Variants in WDR72 observed in about 807,000 individuals in gnomAD.
WDR72 encodes the protein WD repeat domain 72, also known as WD repeat-containing protein 72.
Under a neutral mutation model 124.2 loss-of-function variants are expected in WDR72, and 120 were observed. The ratio of observed to expected loss-of-function variants is 0.97; its 90% CI spans 0.83 to 1.12. The LOEUF is 1.12. Ranked by LOEUF, WDR72 falls within the 50% of genes most tolerant of loss-of-function variation. The pLI is 0.00. For missense variants in WDR72, 1,387 were observed against 1,278.8 expected, an observed-to-expected ratio of 1.08 and a Z score of -1.29; for synonymous variants, 452 against 441.7, an observed-to-expected ratio of 1.02 and a Z score of -0.29.
Position 53,665,738 on chromosome 15 carries a change from C to G in WDR72, c.1796G>C (p.Arg599Thr). The change falls in exon 14 of 20, where the codon AGA (arginine) becomes ACA (threonine). Residue 599 changes from arginine to threonine, a missense_variant. Coordinates refer to ENST00000360509, the MANE Select transcript of WDR72 (RefSeq NM_182758.4). ...GTLERHETGE[R>T]ARIILNCCDD... ...ACAACAATTAAGAATAATTCGTGCT[C>G]TTTCTCCTGTCTCATGTCTTTCCAA... 1 of 1,613,810 alleles carries G rather than the reference C, an allele frequency of 6.2e-7. No individual in the cohort carries two copies.
intron 18 of WDR72, among the ~76,000 whole-genome samples, chr15:53,547,995 T>TGTTGCTGATCTCAAG (rs1893559727): frequency 6.6e-6 from 1 of 152,210 alleles, no homozygotes; most frequent in Non-Finnish European, 1.5e-5. Flanking sequence ...TGATGACGTC[T>TGTTGCTGATCTCAAG]TTGTAATTGA....
intron 19 of WDR72, 88 bp downstream of exon 19, chr15:53,523,130 A>T: frequency 8.2e-7 from 1 of 1,213,034 alleles, no homozygotes; most frequent in Non-Finnish European, 1.2e-6. Context: ...CAGCATTACA[A>T]TGTCCTCTCC....
At chr15:53,595,074 T>C (rs1239943514) in intron 18 of WDR72, among the ~76,000 whole-genome samples, 1 of 152,144 alleles carries the variant, frequency 6.6e-6, no homozygotes, top group South Asian at 2.1e-4. Flanking sequence ...GAATATGTTC[T>C]TGTTCTTTTA....
chr15:53,578,461 T>C (rs992801889), intron 18 of WDR72, among the ~76,000 whole-genome samples: 3 of 152,164 alleles, frequency 2.0e-5, no homozygotes, highest in Non-Finnish European at 2.9e-5. Flanking sequence ...GCTTGGCTCA[T>C]GGAAGGTACT....
intron 12 of WDR72, among the ~76,000 whole-genome samples, chr15:53,700,238 G>A (rs1441591182): frequency 6.6e-6 from 1 of 152,126 alleles, no homozygotes; most frequent in Non-Finnish European, 1.5e-5. Flanking sequence ...CAGGCAGCGA[G>A]GCAGACATCG....
rs370145481 is a variant in WDR72, at chr15:53,711,456, A to G, written c.737T>C (p.Leu246Pro). 1.2e-6 allele frequency: 2 copies of G among 1,614,186 alleles called. No homozygotes were observed. The highest frequency in any genetic ancestry group is 1.7e-6 in the Non-Finnish European group (2 of 1,180,038). Residue 246 changes from leucine to proline, a missense_variant, in exon 8 of 20, where the codon CTT becomes CCT. Physicochemically the swap from Leu to Pro is moderately conservative, Grantham distance 98 (BLOSUM62 -3). Coordinates refer to ENST00000360509, the MANE Select transcript of WDR72 (RefSeq NM_182758.4). ...WKVYDYCDFSLLLTEVSRNGQ... is the reference protein window; with the variant it reads ...WKVYDYCDFSPLLTEVSRNGQ... ...ATTTCTACTAACTTCAGTCAGCAGA[A>G]GGGAAAAATCACAATAATCATAAAC...
chr15:53,748,137 C>A (rs1009529451), intron 1 of WDR72, among the ~76,000 whole-genome samples: 7 of 152,064 alleles, frequency 4.6e-5, no homozygotes, highest in Non-Finnish European at 1.0e-4. Context: ...AAAACACCAT[C>A]CTTGCCCTCA....
chr15:53,678,170 A>G (rs2016245729), intron 13 of WDR72, among the ~76,000 whole-genome samples: 1 of 152,216 alleles, frequency 6.6e-6, no homozygotes, highest in Non-Finnish European at 1.5e-5. Context: ...AAATTTTTCA[A>G]AAGTTCATAT....
Position 53,540,649 on chromosome 15 carries a change from G to A in WDR72, c.3149-17327C>T, listed in dbSNP as rs532238946. Among the ~76,000 whole-genome samples the A allele has an allele frequency of 4.7e-3, 719 of 152,172 alleles. 1 individual carries two copies. Among genetic ancestry groups the A allele is most frequent in the Non-Finnish European group, 6.8e-3 (463 of 67,988 alleles). ...AAGAAGAACAGGAGGAGCCAAGATG[G>A]CTGAATACGAACAGCTCCGGTCTAC... is the stretch of plus-strand genomic sequence containing the variant. On this transcript the variant is annotated intron_variant, in intron 18 of 19. Transcript: ENST00000360509.
Position 53,634,468 on chromosome 15 carries a change from T to C in WDR72, c.1963-18225A>G, listed in dbSNP as rs556953519. On this transcript the variant is annotated intron_variant, in intron 14 of 19. Transcript: ENST00000360509. ...ATTGTCTTGGGCCACACATAAAATA[T>C]ACTAACACTAATGATAGTTGATTAG... Among the ~76,000 whole-genome samples the C allele has an allele frequency of 2.6e-5, 4 of 152,306 alleles. No individual in the cohort carries two copies. In the South Asian group the frequency reaches 8.3e-4, roughly 32 times the overall value.
chr15:53,653,799 C>A (rs1045063670), intron 14 of WDR72, among the ~76,000 whole-genome samples: 19 of 152,086 alleles, frequency 1.2e-4, no homozygotes, highest in African/African-American at 4.6e-4. Context: ...ACATCCCCTG[C>A]CCCACATGAT....
At chr15:53,640,211 T>TAAGTG (rs1423761130) in intron 14 of WDR72, among the ~76,000 whole-genome samples, 2 of 152,182 alleles carry the variant, frequency 1.3e-5, no homozygotes, top group Non-Finnish European at 2.9e-5. Context: ...AACTGTCGCC[T>TAAGTG]AAGTGAAAAA....
At chr15:53,648,686 G>A (rs370230867) in intron 14 of WDR72, among the ~76,000 whole-genome samples, 1 of 151,962 alleles carries the variant, frequency 6.6e-6, no homozygotes, top group East Asian at 1.9e-4. Context: ...GTGGCCACCA[G>A]ATATTTCAGT....
At chr15:53,539,035 A>C (rs541920802) in intron 18 of WDR72, among the ~76,000 whole-genome samples, 7 of 152,306 alleles carry the variant, frequency 4.6e-5, no homozygotes, top group Admixed American at 2.6e-4. Flanking sequence ...AAGGGAAAAA[A>C]ATAAAATTGT....
chr15:53,657,353 T>C (rs1171127520), intron 14 of WDR72, among the ~76,000 whole-genome samples: 2 of 146,932 alleles, frequency 1.4e-5, no homozygotes, highest in African/African-American at 5.0e-5. Flanking sequence ...TTTGGATGCA[T>C]AATATATGAG....
At chr15:53,702,402 G>C in intron 11 of WDR72, 48 bp from the exon 12 acceptor site, 3 of 1,471,368 alleles carry the variant, frequency 2.0e-6, no homozygotes, top group Non-Finnish European at 9.5e-7. Context: ...TTTTTGTTCA[G>C]AAAATCGTCC....
chr15:53,543,422 A>G (rs1395939796), intron 18 of WDR72, among the ~76,000 whole-genome samples: 1 of 152,198 alleles, frequency 6.6e-6, no homozygotes, highest in Non-Finnish European at 1.5e-5. Flanking sequence ...TGAAGGTAGA[A>G]AGGAAGATGT....
chr15:53,518,669 C>T (rs1891605815), intron 19 of WDR72, among the ~76,000 whole-genome samples: 1 of 151,608 alleles, frequency 6.6e-6, no homozygotes, highest in Non-Finnish European at 1.5e-5. Context: ...CTGCTTCATG[C>T]ATCATCATCA....
chr15:53,679,211 C>A (rs75118691), intron 13 of WDR72, among the ~76,000 whole-genome samples: 1 of 152,044 alleles, frequency 6.6e-6, no homozygotes, highest in Non-Finnish European at 1.5e-5. Context: ...TTTAAAGAAG[C>A]TGAAAAAGTT....
Sources: allele counts gnomAD v4.1 joint callset (sites outside exome capture counted in the v4.1 genomes callset), GRCh38; gene constraint gnomAD v4.1.1; transcripts MANE v1.5; gene names NCBI Gene and HGNC (gene_info 2026-07-23, HGNC 2026-07-21).